ANXA8: variants seen among roughly 807,000 people sequenced by gnomAD.
The protein encoded by ANXA8 is annexin A8, also known as VAC-beta.
In ANXA8, 9 loss-of-function variants were observed where a neutral mutation model predicts 26.8. That is an observed-to-expected ratio of 0.34 (90% CI 0.20 to 0.59). ANXA8 has a LOEUF of 0.59. Ranked by LOEUF, ANXA8 falls within the 20% of genes least tolerant of loss-of-function variation. ANXA8 has a pLI of 0.84. For missense variants in ANXA8, 83 were observed against 238.5 expected (o/e 0.35, Z 4.29); for synonymous variants, 39 against 94.8 (o/e 0.41, Z 3.42).
chr10:47,745,503 G>A, the ANXA8 span, among the ~76,000 whole-genome samples: 9 of 110,504 alleles, frequency 8.1e-5, no homozygotes, highest in African/African-American at 2.7e-4. Flanking sequence ...CAGGATGCTC[G>A]AGACTCTTGC....
the ANXA8 span, among the ~76,000 whole-genome samples, chr10:47,767,988 ACTG>A: frequency 6.7e-6 from 1 of 149,456 alleles, no homozygotes; most frequent in Non-Finnish European, 1.5e-5. Flanking sequence ...CGCCAAGGCC[ACTG>A]TGTTAGCAAG....
At chr10:47,597,104 A>G in the ANXA8 span, among the ~76,000 whole-genome samples, 1 of 149,312 alleles carries the variant, frequency 6.7e-6, no homozygotes, top group Non-Finnish European at 1.5e-5. Flanking sequence ...GTTCAAATAT[A>G]TGCAAATCAG....
In ANXA8 at chr10:47,484,057, G is replaced by A. The variant is rs1312064087; in HGVS notation, c.-124C>T. The A allele has an allele frequency of 2.2e-5, 35 of 1,609,702 alleles. No homozygotes were observed. Among genetic ancestry groups the A allele is most frequent in the Non-Finnish European group, 2.8e-5 (33 of 1,178,386 alleles). On this transcript the variant is annotated 5_prime_UTR_variant, in exon 1 of 12. Transcript: ENST00000585281. The stretch of plus-strand genomic sequence containing the variant: ...GCAGGCCGCTCACTTGGGTGTGGGG[G>A]TGCAAGCCCGCCCAGGGCAGCGCCA...
the ANXA8 span, among the ~76,000 whole-genome samples, chr10:47,966,979 A>T: frequency 6.7e-6 from 1 of 148,868 alleles, no homozygotes; most frequent in Non-Finnish European, 1.5e-5. Context: ...TTTCCCCATG[A>T]CCCTAAAATT....
chr10:47,656,013 T>A, the ANXA8 span, among the ~76,000 whole-genome samples: 1 of 151,776 alleles, frequency 6.6e-6, no homozygotes, highest in African/African-American at 2.4e-5. Context: ...AGAGTGAAAC[T>A]CAGTCTCAAA....
the ANXA8 span, among the ~76,000 whole-genome samples, chr10:47,548,389 T>C: frequency 6.7e-6 from 1 of 149,360 alleles, no homozygotes; most frequent in South Asian, 2.1e-4. Context: ...GCAACCTCCA[T>C]CTCCTGGGTT....
the ANXA8 span, among the ~76,000 whole-genome samples, chr10:47,775,914 T>C: frequency 6.6e-6 from 1 of 151,318 alleles, no homozygotes; most frequent in Non-Finnish European, 1.5e-5. Context: ...AATTTCTCTT[T>C]TTTAAATTGG....
chr10:47,484,850 T>C (rs1388082380), upstream of ANXA8: 42 of 455,006 alleles, frequency 9.2e-5, no homozygotes, highest in Non-Finnish European at 8.5e-5. Context: ...AACCCCTCTC[T>C]GCTTCTGGCT....
chr10:47,730,714 AT>A, the ANXA8 span, among the ~76,000 whole-genome samples: 3 of 144,856 alleles, frequency 2.1e-5, no homozygotes, highest in African/African-American at 5.1e-5. Flanking sequence ...AGGTTTGCCC[AT>A]TTGTTCACTG....
chr10:47,980,179 G>C, the ANXA8 span, among the ~76,000 whole-genome samples: 1 of 151,158 alleles, frequency 6.6e-6, no homozygotes, highest in Admixed American at 6.6e-5. Context: ...AATAATCAAT[G>C]GGTCAAAGAA....
the ANXA8 span, among the ~76,000 whole-genome samples, chr10:47,773,646 T>A: frequency 8.6e-6 from 1 of 115,780 alleles, no homozygotes; most frequent in Non-Finnish European, 1.8e-5. Flanking sequence ...GTACACATGG[T>A]CATAAAAATG....
chr10:47,486,109 A>T (rs1840040677), upstream of ANXA8, among the ~76,000 whole-genome samples: 1 of 90,150 alleles, frequency 1.1e-5, no homozygotes, highest in African/African-American at 3.6e-5. Context: ...CTCCGTCTTT[A>T]AAAAAAAAAA....
At chr10:47,522,053 C>T in the ANXA8 span, among the ~76,000 whole-genome samples, 1,676 of 150,856 alleles carry the variant, frequency 0.011, 12 homozygotes, top group Non-Finnish European at 0.019. Context: ...TCCCAAAGTG[C>T]TGGGATTACA....
chr10:47,720,924 A>G, the ANXA8 span, among the ~76,000 whole-genome samples: 1 of 137,832 alleles, frequency 7.3e-6, no homozygotes, highest in African/African-American at 2.6e-5. Flanking sequence ...TGGTGGGGGG[A>G]TCGCTTGAGC....
chr10:47,696,507 G>A, the ANXA8 span: 2 of 1,262,916 alleles, frequency 1.6e-6, no homozygotes, highest in Non-Finnish European at 2.2e-6. Flanking sequence ...TCAGCCTGAA[G>A]AATGTAAGGC....
chr10:47,647,397 T>A, the ANXA8 span, among the ~76,000 whole-genome samples: 2,782 of 150,094 alleles, frequency 0.019, 3 homozygotes, highest in African/African-American at 0.065. Context: ...TCATATTATA[T>A]TTCTTTTAAT....
At chr10:47,486,270 G>C (rs1471710127), upstream of ANXA8, among the ~76,000 whole-genome samples, 2 of 150,476 alleles carry the variant, frequency 1.3e-5, no homozygotes, top group Admixed American at 1.3e-4. Context: ...TCATCAAGCT[G>C]GTCTGTTATC....
the ANXA8 span, among the ~76,000 whole-genome samples, chr10:47,682,478 T>TC: frequency 6.8e-6 from 1 of 146,000 alleles, no homozygotes; most frequent in African/African-American, 2.6e-5. Context: ...TCTTTTTTTT[T>TC]TTTTTTTTTG....
chr10:47,766,093 G>C, the ANXA8 span, among the ~76,000 whole-genome samples: 1 of 146,202 alleles, frequency 6.8e-6, no homozygotes, highest in Non-Finnish European at 1.5e-5. Flanking sequence ...CCTGGCAGCC[G>C]AGGGCCTCCA....
Sources: gnomAD v4.1 joint callset for allele counts (sites outside exome capture counted in the v4.1 genomes callset) on GRCh38, gnomAD v4.1.1 for gene constraint, MANE v1.5 for transcripts, NCBI Gene and HGNC (gene_info 2026-07-23, HGNC 2026-07-21) for gene names.